The following RAI1 variants were observed in gnomAD, a reference collection of about 807,000 sequenced individuals.
The protein encoded by RAI1 is retinoic acid-induced protein 1.
A neutral mutation model predicts 123.8 loss-of-function variants in RAI1; 9 were observed. The observed-to-expected ratio is 0.07, with a 90% CI of 0.04 to 0.13. The LOEUF (loss-of-function observed/expected upper bound fraction) is 0.13, where lower values mean the gene tolerates loss of function less well. Among genes scored for constraint, RAI1 ranks in the 10% least tolerant of loss-of-function variants. The pLI, the probability that RAI1 is intolerant of heterozygous loss-of-function variation, is 1.00. For missense variants in RAI1, 2,256 were observed against 2,545.8 expected, an observed-to-expected ratio of 0.89 and a Z score of 2.45; for synonymous variants, 1,231 against 1,127.3, an observed-to-expected ratio of 1.09 and a Z score of -1.84.
At chr17:17,710,891 C>T (rs529557226) in intron 1 of RAI1, among the ~76,000 whole-genome samples, 1 of 152,356 alleles carries the variant, frequency 6.6e-6, no homozygotes, top group African/African-American at 2.4e-5. Context: ...GCTAGCCAGC[C>T]TCGTACTCCA....
chr17:17,792,847 T>C, intron 2 of RAI1, 86 bp from the exon 3 acceptor site: 1 of 1,107,762 alleles, frequency 9.0e-7, no homozygotes, highest in Non-Finnish European at 1.3e-6. Context: ...AAGTGGCCCG[T>C]CTGAATCGCT....
chr17:17,801,969 C>T lies in RAI1; in HGVS notation c.5566-1787C>T, dbSNP rs565838773. On this transcript the variant is annotated intron_variant, in intron 3 of 5. Transcript: ENST00000353383. The surrounding 1 kb of genome is among the most constrained non-coding windows in gnomAD (Gnocchi z 4.1). ...CATAGGAAGCTATTGTCGTTTGTTT[C>T]ACTGGCTTCGCACTTGGGCAGAGGC... is the stretch of plus-strand genomic sequence containing the variant. 1.6e-4 allele frequency: 70 copies of T among 436,526 alleles called. No individual in the cohort carries two copies. Among genetic ancestry groups the T allele is most frequent in the Non-Finnish European group, 3.1e-4 (67 of 213,558 alleles). 27.0% of individuals were successfully genotyped at this position (436,526 alleles called of 1,614,324 possible).
chr17:17,765,092 G>A (rs2030871847), intron 2 of RAI1, among the ~76,000 whole-genome samples: 1 of 152,242 alleles, frequency 6.6e-6, no homozygotes, highest in Admixed American at 6.5e-5. Flanking sequence ...GAGACGGGAG[G>A]AGAGTTTGAG....
rs531922716 is a variant in RAI1, at chr17:17,801,535, A to G, written c.5566-2221A>G. Among the ~76,000 whole-genome samples the G allele has an allele frequency of 6.6e-6, 1 of 152,338 alleles. No individual in the cohort carries two copies. Among genetic ancestry groups the G allele is most frequent in the African/African-American group, 2.4e-5 (1 of 41,566 alleles). Reference sequence around the variant, plus strand: ...CATCCAGACACCAAGGGCCACTCACAGACAGCAGCCGGCTTGTGTTTCGTC... The same window carrying G: ...CATCCAGACACCAAGGGCCACTCACGGACAGCAGCCGGCTTGTGTTTCGTC... On this transcript the variant is annotated intron_variant, in intron 3 of 5. Coordinates refer to ENST00000353383, the MANE Select transcript of RAI1 (RefSeq NM_030665.4). The surrounding 1 kb of genome is among the most constrained non-coding windows in gnomAD (Gnocchi z 4.1).
intron 3 of RAI1, among the ~76,000 whole-genome samples, chr17:17,803,523 A>G (rs2032527584): frequency 6.6e-6 from 1 of 151,920 alleles, no homozygotes; most frequent in Non-Finnish European, 1.5e-5. Context: ...CACCTTCCTG[A>G]GTAGCTGGGA....
At chr17:17,785,844 G>C (rs888287908) in intron 2 of RAI1, among the ~76,000 whole-genome samples, 1 of 152,178 alleles carries the variant, frequency 6.6e-6, no homozygotes, top group South Asian at 2.1e-4. Flanking sequence ...GTGCCATCGA[G>C]CCCATGCAGA....
intron 2 of RAI1, among the ~76,000 whole-genome samples, chr17:17,789,874 G>T (rs569192111): frequency 3.0e-4 from 45 of 152,304 alleles, no homozygotes; most frequent in African/African-American, 1.0e-3. Context: ...GCTGGACCAT[G>T]AGGAGTGAGC....
Position 17,794,407 on chromosome 17 carries a change from G to A in RAI1, c.1459G>A (p.Gly487Ser), listed in dbSNP as rs753272902. 5 of 1,612,934 alleles carry A rather than the reference G, an allele frequency of 3.1e-6. No homozygotes were observed. The highest frequency in any genetic ancestry group is 2.2e-5 in the East Asian group (1 of 44,902). Residue 487 changes from glycine (G) to serine (S), a missense_variant, in exon 3 of 6, where the codon GGC becomes AGC. By Grantham distance (56) the Gly-to-Ser change is moderately conservative. Transcript: ENST00000353383. ...KSQHCSPEGSGYSAEPAGTPL... is the reference protein window; with the variant it reads ...KSQHCSPEGSSYSAEPAGTPL... ...CCAGCACTGCAGCCCCGAAGGGAGC[G>A]GCTACTCAGCCGAGCCCGCAGGCAC...
At chr17:17,763,669 C>T (rs1252406728) in intron 2 of RAI1, among the ~76,000 whole-genome samples, 2 of 152,200 alleles carry the variant, frequency 1.3e-5, no homozygotes, top group African/African-American at 4.8e-5. Context: ...CCCAGCATGC[C>T]TGGAGTGTAG....
chr17:17,750,580 G>A (rs994041211), intron 2 of RAI1, among the ~76,000 whole-genome samples: 1 of 150,992 alleles, frequency 6.6e-6, no homozygotes, highest in Non-Finnish European at 1.5e-5. Context: ...AATTAGCCGG[G>A]CATGGTGGTG....
At position 17,797,280 on chromosome 17, in the gene RAI1, TAAG is replaced by T. The variant is rs1239629072; in HGVS notation, c.4337_4339del (p.Lys1446del). 3 of 1,612,742 alleles carry T rather than the reference TAAG, an allele frequency of 1.9e-6. No homozygotes were observed. The highest frequency in any genetic ancestry group is 2.2e-5 in the East Asian group (1 of 44,844). On this transcript the variant is annotated inframe_deletion, in exon 3 of 6. Transcript: ENST00000353383. ...AGCCTGGGGGGACTGCCCTGGCGCC[TAAG>T]AAGAGGAGCCGGAAAGGCCGGGCAG...
intron 1 of RAI1, among the ~76,000 whole-genome samples, chr17:17,704,128 A>G (rs1915319425): frequency 6.6e-6 from 1 of 152,182 alleles, no homozygotes; most frequent in African/African-American, 2.4e-5. Context: ...TTGCCAGGAA[A>G]GTGGAGTGCG....
chr17:17,689,944 A>T (rs1046497048), intron 1 of RAI1, among the ~76,000 whole-genome samples: 3 of 151,926 alleles, frequency 2.0e-5, no homozygotes, highest in Non-Finnish European at 4.4e-5. Context: ...AAGCCCCCCA[A>T]CTCCTTGAAT....
intron 2 of RAI1, among the ~76,000 whole-genome samples, chr17:17,725,932 C>T (rs1916074186): frequency 6.6e-6 from 1 of 152,130 alleles, no homozygotes; most frequent in African/African-American, 2.4e-5. Context: ...AGTTAACCCT[C>T]CCCCAGAAAT....
chr17:17,721,035 G>C (rs77904527), intron 1 of RAI1, among the ~76,000 whole-genome samples: 22,901 of 151,462 alleles, frequency 0.15, 1,914 homozygotes, highest in East Asian at 0.32. Flanking sequence ...TCTGGAATCT[G>C]TGAAGGGTAC....
intron 1 of RAI1, among the ~76,000 whole-genome samples, chr17:17,682,871 C>T (rs62064076): frequency 0.015 from 2,337 of 152,142 alleles, 32 homozygotes; most frequent in South Asian, 0.036. Context: ...GGGCCTCGGG[C>T]TCTGAATGGA....
At chr17:17,808,417 A>T (rs7224066) in intron 4 of RAI1, among the ~76,000 whole-genome samples, 2,081 of 45,320 alleles carry the variant, frequency 0.046, 32 homozygotes, top group Middle Eastern at 0.088. Context: ...TTATTTTATT[A>T]TTTTATTTTA....
rs999677571 is a variant in RAI1 at position 17,797,115 on chromosome 17, G to A, written c.4167G>A (p.Gln1389=). 1.9e-6 allele frequency: 3 copies of A among 1,613,964 alleles called. No individual in the cohort carries two copies. Among genetic ancestry groups the A allele is most frequent in the African/African-American group, 1.3e-5 (1 of 74,958 alleles). Residue 1389 remains glutamine, a synonymous_variant, in exon 3 of 6, where the codon CAG becomes CAA. Transcript: ENST00000353383. ...GCCTGGTAAATGTGGGCACCGGGCAGAAGCTCCCAACTTCTGGGGCTGATC... is the reference window on the plus strand; with the variant it reads ...GCCTGGTAAATGTGGGCACCGGGCAAAAGCTCCCAACTTCTGGGGCTGATC... ...EEGLVNVGTG[Q]KLPTSGADPL...
intron 2 of RAI1, among the ~76,000 whole-genome samples, chr17:17,775,887 C>G (rs1199508174): frequency 6.6e-6 from 1 of 152,186 alleles, no homozygotes; most frequent in Admixed American, 6.5e-5. Context: ...AGAAAAACAT[C>G]CACATATAAG....
Sources: gnomAD v4.1 joint callset for allele counts (sites outside exome capture counted in the v4.1 genomes callset) on GRCh38, gnomAD v4.1.1 for gene constraint, Gnocchi (gnomAD v3.1) non-coding constraint, MANE v1.5 for transcripts, NCBI Gene and HGNC (gene_info 2026-07-23, HGNC 2026-07-21) for gene names.